The following PPM1L variants were observed in gnomAD, a reference collection of about 807,000 sequenced individuals.
PPM1L encodes the protein protein phosphatase 1L.
Under a neutral mutation model 31.4 loss-of-function variants are expected in PPM1L, and 13 were observed. The observed-to-expected ratio is 0.41, with a 90% CI of 0.27 to 0.66. The LOEUF is 0.66. Ranked by LOEUF, PPM1L falls within the 30% of genes least tolerant of loss-of-function variation. The probability of loss-of-function intolerance (pLI) is 0.29; values close to 1 mark genes in which losing one functional copy is unlikely to be tolerated. For synonymous variants in PPM1L, 184 were observed against 175.4 expected (o/e 1.05, Z -0.39); for missense variants, 326 against 453.7 (o/e 0.72, Z 2.56).
chr3:160,790,718 A>G (rs902181778), intron 1 of PPM1L, among the ~76,000 whole-genome samples: 3 of 152,104 alleles, frequency 2.0e-5, no homozygotes, highest in Admixed American at 6.6e-5. Flanking sequence ...GGTAGAACAG[A>G]GTGACAGAGT....
At chr3:160,991,590 G>A (rs905180552) in intron 2 of PPM1L, among the ~76,000 whole-genome samples, 1 of 152,034 alleles carries the variant, frequency 6.6e-6, no homozygotes, top group Non-Finnish European at 1.5e-5. Flanking sequence ...TGTTCTTTCC[G>A]GGATTAATCT....
intron 1 of PPM1L, among the ~76,000 whole-genome samples, chr3:160,823,528 A>T (rs1168272418): frequency 6.6e-6 from 1 of 151,980 alleles, no homozygotes; most frequent in Non-Finnish European, 1.5e-5. Flanking sequence ...GATTATGTTT[A>T]TACTTTTAAT....
intron 2 of PPM1L, among the ~76,000 whole-genome samples, chr3:160,972,900 T>A (rs1429088253): frequency 2.0e-5 from 3 of 152,240 alleles, no homozygotes; most frequent in Non-Finnish European, 4.4e-5. Flanking sequence ...TTGTAACTGG[T>A]GTGAGATGGT....
rs1484334962 is a variant in PPM1L, at chr3:161,073,602, C to T, written c.*4445C>T. 6.6e-6 allele frequency: 1 copy of T among 151,980 alleles called. No homozygotes were observed. Among genetic ancestry groups the T allele is most frequent in the Non-Finnish European group, 1.5e-5 (1 of 68,040 alleles). The allele number at this position is 151,980 out of a possible 1,614,324, so 9.4% of individuals were successfully genotyped here. ...TTTTTAACGGAATCTCGCTCTGTCACCCAGGCTGGAATGCCGTGGCGCAAT... is the reference window on the plus strand; with the variant it reads ...TTTTTAACGGAATCTCGCTCTGTCATCCAGGCTGGAATGCCGTGGCGCAAT... On this transcript the variant is annotated 3_prime_UTR_variant, in exon 4 of 4. Transcript: ENST00000498165.
intron 2 of PPM1L, 94 bp from the exon 3 acceptor site, chr3:161,065,309 A>G (rs1719701955): frequency 3.1e-6 from 4 of 1,302,602 alleles, no homozygotes; most frequent in Non-Finnish European, 4.3e-6. Flanking sequence ...AGCAGAAGCA[A>G]TTTTAATGAC....
chr3:160,984,229 T>G (rs1295074463), intron 2 of PPM1L, among the ~76,000 whole-genome samples: 1 of 152,166 alleles, frequency 6.6e-6, no homozygotes, highest in Non-Finnish European at 1.5e-5. Flanking sequence ...TCAGAGGCCT[T>G]CCCTGGGAAT....
rs142224387 is a variant in PPM1L at position 160,875,975 on chromosome 3, C to T, written c.400-85761C>T. On this transcript the variant is annotated intron_variant, in intron 1 of 3. Transcript: ENST00000498165. ...CATTTTTCTTTCAGAATCAAGCCTGCCTTCTCTTATTTGCTGTAAGTCCTA... is the reference window on the plus strand; with the variant it reads ...CATTTTTCTTTCAGAATCAAGCCTGTCTTCTCTTATTTGCTGTAAGTCCTA... Among the ~76,000 whole-genome samples, 71 of 152,326 alleles carry T rather than the reference C, an allele frequency of 4.7e-4. No individual in the cohort carries two copies. The East Asian group carries it at 0.012, about 25-fold the overall frequency.
At chr3:160,805,557 G>T (rs1458439749) in intron 1 of PPM1L, among the ~76,000 whole-genome samples, 1 of 151,954 alleles carries the variant, frequency 6.6e-6, no homozygotes, top group African/African-American at 2.4e-5. Flanking sequence ...TCCTGTCTCT[G>T]CTAAAAATAC....
chr3:160,966,642 A>G (rs568745273), intron 2 of PPM1L, among the ~76,000 whole-genome samples: 1 of 152,232 alleles, frequency 6.6e-6, no homozygotes, highest in Non-Finnish European at 1.5e-5. Context: ...TCTGCATTTT[A>G]TATTACTCTA....
chr3:160,799,184 C>A (rs1041025123), intron 1 of PPM1L, among the ~76,000 whole-genome samples: 1 of 152,214 alleles, frequency 6.6e-6, no homozygotes, highest in African/African-American at 2.4e-5. Flanking sequence ...TAGAATGTTA[C>A]ATAAACTTCG....
chr3:160,968,075 T>C (rs1451671319), intron 2 of PPM1L, among the ~76,000 whole-genome samples: 1 of 152,070 alleles, frequency 6.6e-6, no homozygotes, highest in Non-Finnish European at 1.5e-5. Flanking sequence ...TCACTCAGCT[T>C]TCATAGCATC....
At chr3:160,904,140 A>G (rs1256661303) in intron 1 of PPM1L, among the ~76,000 whole-genome samples, 1 of 152,124 alleles carries the variant, frequency 6.6e-6, no homozygotes, top group Non-Finnish European at 1.5e-5. Context: ...GGTATTTCTA[A>G]AACCCTCTTC....
At chr3:160,984,129 C>G (rs989707219) in intron 2 of PPM1L, among the ~76,000 whole-genome samples, 1 of 152,160 alleles carries the variant, frequency 6.6e-6, no homozygotes, top group African/African-American at 2.4e-5. Context: ...TTTCCTAATC[C>G]TAGCAAGCCT....
Position 160,856,757 on chromosome 3 carries a change from G to A in PPM1L, c.399+100050G>A, listed in dbSNP as rs565907650. Among the ~76,000 whole-genome samples the A allele has an allele frequency of 9.9e-5, 15 of 151,678 alleles. No individual in the cohort carries two copies. The South Asian group carries it at 3.1e-3, about 32-fold the overall frequency. Reference sequence around the variant, plus strand: ...TCTGTACATCAAACCTTCGTGACATGTAATTTACCTGTATAACAAACCTGC... The same window carrying A: ...TCTGTACATCAAACCTTCGTGACATATAATTTACCTGTATAACAAACCTGC... On this transcript the variant is annotated intron_variant, in intron 1 of 3. Coordinates refer to ENST00000498165, the MANE Select transcript of PPM1L (RefSeq NM_139245.4).
chr3:160,780,378 G>A (rs1234333153), intron 1 of PPM1L, among the ~76,000 whole-genome samples: 3 of 152,172 alleles, frequency 2.0e-5, no homozygotes, highest in Non-Finnish European at 4.4e-5. Context: ...GTCTTAAGAA[G>A]TCTTTAGAAT....
At chr3:160,872,235 A>G (rs958474427) in intron 1 of PPM1L, among the ~76,000 whole-genome samples, 2 of 152,210 alleles carry the variant, frequency 1.3e-5, no homozygotes. Flanking sequence ...TTAGGGGGTT[A>G]TTTATAGCAT....
At chr3:160,877,081 T>C (rs1179875858) in intron 1 of PPM1L, among the ~76,000 whole-genome samples, 1 of 152,128 alleles carries the variant, frequency 6.6e-6, no homozygotes, top group Non-Finnish European at 1.5e-5. Context: ...TTTTAAAAAG[T>C]CTAATATTTG....
At chr3:161,040,372 A>G (rs1164640687) in intron 2 of PPM1L, among the ~76,000 whole-genome samples, 1 of 152,192 alleles carries the variant, frequency 6.6e-6, no homozygotes, top group Non-Finnish European at 1.5e-5. Flanking sequence ...TCATTCATCC[A>G]TTGTATCGAG....
chr3:161,056,118 G>A (rs1719400962), intron 2 of PPM1L, among the ~76,000 whole-genome samples: 1 of 152,124 alleles, frequency 6.6e-6, no homozygotes, highest in Admixed American at 6.5e-5. Context: ...GGGCAAGGGA[G>A]TGAGGATCTT....
Sources: gnomAD v4.1 joint callset for allele counts (sites outside exome capture counted in the v4.1 genomes callset) on GRCh38, gnomAD v4.1.1 for gene constraint, MANE v1.5 for transcripts, NCBI Gene and HGNC (gene_info 2026-07-23, HGNC 2026-07-21) for gene names.